C9: variants seen among roughly 807,000 people sequenced by gnomAD.
The protein encoded by C9 is complement C9.
C9 carries 63 observed loss-of-function variants against 65.4 expected under a neutral mutation model. The observed-to-expected ratio is 0.96, with a 90% confidence interval of 0.79 to 1.19. C9 has a LOEUF of 1.19. Among genes scored for constraint, C9 ranks in the 50% most tolerant of loss-of-function variants. The pLI is 0.00. For synonymous variants in C9, 229 were observed against 227.9 expected, an observed-to-expected ratio of 1.00 and a Z score of -0.04; for missense variants, 744 against 670.1, an observed-to-expected ratio of 1.11 and a Z score of -1.22.
rs187841265 is a variant in C9, at chr5:39,333,902, G to C, written c.477-2088C>G. Among the ~76,000 whole-genome samples, 7 of 152,156 alleles carry C rather than the reference G, an allele frequency of 4.6e-5. No homozygotes were observed. In the South Asian group the frequency reaches 8.3e-4, roughly 18 times the overall value. ...TTGCCGGGATTGCAGACAGAGTCTC[G>C]TTAACTCAGTGCTCAATGGTGCCCA... On this transcript the variant is annotated intron_variant, in intron 4 of 10. Transcript: ENST00000263408.
chr5:39,329,133 T>C (rs1753801553), intron 5 of C9, among the ~76,000 whole-genome samples: 2 of 152,096 alleles, frequency 1.3e-5, no homozygotes. Flanking sequence ...GAAAAGTAAG[T>C]AGAAAAGGAC....
intron 8 of C9, among the ~76,000 whole-genome samples, chr5:39,307,617 G>A (rs1464026116): frequency 6.6e-6 from 1 of 152,054 alleles, no homozygotes; most frequent in African/African-American, 2.4e-5. Flanking sequence ...TTCCTTTAAA[G>A]GTGAGCTTTA....
chr5:39,308,717 A>C (rs1372153739), intron 7 of C9, among the ~76,000 whole-genome samples: 1 of 152,174 alleles, frequency 6.6e-6, no homozygotes, highest in African/African-American at 2.4e-5. Context: ...CCTTCTAAGC[A>C]TTTTGTGTGC....
intron 5 of C9, among the ~76,000 whole-genome samples, chr5:39,328,387 G>A (rs112419845): frequency 6.6e-6 from 1 of 152,184 alleles, no homozygotes; most frequent in Non-Finnish European, 1.5e-5. Flanking sequence ...AATGAGGAAA[G>A]CCTGAGAAGG....
intron 9 of C9, among the ~76,000 whole-genome samples, chr5:39,295,991 A>C (rs1199905068): frequency 6.6e-6 from 1 of 151,722 alleles, no homozygotes. Context: ...ATGCAGAAGA[A>C]TAAAATTAAC....
Position 39,331,696 on chromosome 5 carries a change from C to G in C9, c.595G>C (p.Val199Leu), listed in dbSNP as rs753583142. ...TLTYYRRPWN[V>L]ASLIYETKGE... ...CTTACTTCATAGATCAAAGAAGCCA[C>G]GTTCCAAGGTCTTCGGTAGTATGTC... Residue 199 changes from valine (V) to leucine (L), a missense_variant, in exon 5 of 11, where the codon GTG becomes CTG. Val to Leu is a conservative substitution (Grantham distance 32). Coordinates refer to ENST00000263408, the MANE Select transcript of C9 (RefSeq NM_001737.5). 2.2e-5 allele frequency: 36 copies of G among 1,613,972 alleles called. No individual in the cohort carries two copies. Among genetic ancestry groups the G allele is most frequent in the Admixed American group, 1.0e-4 (6 of 60,018 alleles).
chr5:39,322,016 C>A (rs1303288388), intron 5 of C9, among the ~76,000 whole-genome samples: 1 of 152,068 alleles, frequency 6.6e-6, no homozygotes, highest in Non-Finnish European at 1.5e-5. Flanking sequence ...AACAAATATA[C>A]ACAGAACATT....
Position 39,307,473 on chromosome 5 carries a change from G to C in C9, c.1241-681C>G, listed in dbSNP as rs767398902. Among the ~76,000 whole-genome samples, 6 of 152,184 alleles carry C rather than the reference G, an allele frequency of 3.9e-5. No homozygotes were observed. In the South Asian group the frequency reaches 1.2e-3, roughly 32 times the overall value. On this transcript the variant is annotated intron_variant, in intron 8 of 10. Coordinates refer to ENST00000263408, the MANE Select transcript of C9 (RefSeq NM_001737.5). ...AAGGACCAAATATAGAAATTATACC[G>C]TATAATGGCAAATTCAGCTTTTTTC...
chr5:39,317,177 C>T (rs1753582457), intron 5 of C9, among the ~76,000 whole-genome samples: 1 of 152,206 alleles, frequency 6.6e-6, no homozygotes, highest in East Asian at 1.9e-4. Flanking sequence ...ATCCTTTGCC[C>T]ACTTTTTAAT....
intron 10 of C9, among the ~76,000 whole-genome samples, chr5:39,287,008 A>C (rs1283864050): frequency 9.2e-5 from 14 of 151,970 alleles, no homozygotes; most frequent in Admixed American, 9.2e-4. Flanking sequence ...GTATTTGTTC[A>C]AACAATGATT....
intron 1 of C9, among the ~76,000 whole-genome samples, chr5:39,347,342 A>C (rs1561353432): frequency 6.6e-6 from 1 of 152,226 alleles, no homozygotes; most frequent in Non-Finnish European, 1.5e-5. Flanking sequence ...TACAAAATCA[A>C]TGTGCAAAAA....
intron 1 of C9, among the ~76,000 whole-genome samples, chr5:39,350,365 G>A (rs140559072): frequency 5.1e-4 from 78 of 152,196 alleles, no homozygotes; most frequent in Admixed American, 1.2e-3. Context: ...ATTCCACCCT[G>A]GCTTGTCCAA....
chr5:39,355,592 T>C (rs1282519763), intron 1 of C9, among the ~76,000 whole-genome samples: 1 of 152,194 alleles, frequency 6.6e-6, no homozygotes, highest in East Asian at 1.9e-4. Flanking sequence ...TCTATCACCA[T>C]AGGAAGGTTC....
chr5:39,299,740 G>T (rs546119842), intron 9 of C9, among the ~76,000 whole-genome samples: 1 of 152,138 alleles, frequency 6.6e-6, no homozygotes, highest in Admixed American at 6.5e-5. Flanking sequence ...GGTTTTCATG[G>T]TGGTTTCATG....
chr5:39,344,691 G>A (rs999980184), intron 1 of C9, among the ~76,000 whole-genome samples: 29 of 152,176 alleles, frequency 1.9e-4, no homozygotes, highest in African/African-American at 6.7e-4. Flanking sequence ...GATACTCCTC[G>A]AGAAGAGCAA....
intron 5 of C9, among the ~76,000 whole-genome samples, chr5:39,330,047 T>C (rs543141281): frequency 1.3e-4 from 20 of 152,340 alleles, no homozygotes; most frequent in African/African-American, 4.6e-4. Context: ...ACTGCCCCAG[T>C]TGGCATCAAA....
At chr5:39,313,598 G>A (rs749033292) in intron 6 of C9, among the ~76,000 whole-genome samples, 26 of 152,300 alleles carry the variant, frequency 1.7e-4, no homozygotes, top group Non-Finnish European at 3.1e-4. Context: ...GCCTCCCAGC[G>A]ATGCTGATGC....
At chr5:39,316,145 G>T in intron 5 of C9, 116 bp from the exon 6 acceptor site, 1 of 824,884 alleles carries the variant, frequency 1.2e-6, no homozygotes, top group Non-Finnish European at 1.9e-6. Flanking sequence ...GAACAAAGGA[G>T]TTAAGAGCAA....
chr5:39,359,016 A>AT (rs1754464202), intron 1 of C9, among the ~76,000 whole-genome samples: 5 of 14,032 alleles, frequency 3.6e-4, no homozygotes, highest in African/African-American at 1.2e-3. Context: ...AATAAATAAA[A>AT]AATATATATA....
Sources: allele counts gnomAD v4.1 joint callset (sites outside exome capture counted in the v4.1 genomes callset), GRCh38; gene constraint gnomAD v4.1.1; transcripts MANE v1.5; gene names NCBI Gene and HGNC (gene_info 2026-07-23, HGNC 2026-07-21).